The following ALMS1 variants were observed in gnomAD, a reference collection of about 807,000 sequenced individuals.
ALMS1 encodes centrosome-associated protein ALMS1.
In ALMS1, 271 loss-of-function variants were observed where a neutral mutation model predicts 352.2. That is an observed-to-expected ratio of 0.77 (90% CI 0.70 to 0.85). ALMS1 has a LOEUF of 0.85. Ranked by LOEUF, ALMS1 falls within the 40% of genes least tolerant of loss-of-function variation. The pLI is 0.00. For missense variants in ALMS1, 5,445 were observed against 4,870.7 expected (o/e 1.12, Z -3.51); for synonymous variants, 1,865 against 1,761.2 (o/e 1.06, Z -1.48).
chr2:73,404,184 C>T (rs1363829487), intron 1 of ALMS1, among the ~76,000 whole-genome samples: 4 of 152,206 alleles, frequency 2.6e-5, no homozygotes, highest in African/African-American at 7.2e-5. Context: ...CAGGTGTGAG[C>T]CACTGTGCCT....
At chr2:73,545,179 T>A (rs937152090) in intron 12 of ALMS1, among the ~76,000 whole-genome samples, 37 of 145,540 alleles carry the variant, frequency 2.5e-4, no homozygotes, top group Admixed American at 6.9e-5. Context: ...TAATTTTTTG[T>A]GGTTTTTTTT....
intron 12 of ALMS1, among the ~76,000 whole-genome samples, chr2:73,547,915 A>G (rs1222336254): frequency 1.3e-5 from 2 of 152,154 alleles, no homozygotes; most frequent in Non-Finnish European, 2.9e-5. Context: ...GACAGTCAGC[A>G]TCCTTTTAGA....
intron 16 of ALMS1, among the ~76,000 whole-genome samples, chr2:73,576,871 C>G (rs951303082): frequency 1.3e-5 from 2 of 152,110 alleles, no homozygotes; most frequent in East Asian, 1.9e-4. Flanking sequence ...ATCCACCCCC[C>G]TCAGTCTCCC....
Position 73,451,156 on chromosome 2 carries a change from A to G in ALMS1, c.4629A>G (p.Ile1543Met), listed in dbSNP as rs1671928883. 3 of 1,613,774 alleles carry G rather than the reference A, an allele frequency of 1.9e-6. No homozygotes were observed. The highest frequency in any genetic ancestry group is 1.1e-5 in the South Asian group (1 of 91,064). Reference protein sequence around the residue: ...FYQLALLGSQIPEEALRVSSA... With the variant: ...FYQLALLGSQMPEEALRVSSA... Reference sequence around the variant, plus strand: ...AACTGGCATTGCTAGGTAGTCAAATACCTGAAGAGGCTCTCAGAGTTTCTT... The same window carrying G: ...AACTGGCATTGCTAGGTAGTCAAATGCCTGAAGAGGCTCTCAGAGTTTCTT... The change falls in exon 8 of 23, where the codon ATA becomes ATG. Residue 1543 changes from isoleucine to methionine, a missense_variant. Ile to Met is a conservative substitution (Grantham distance 10, BLOSUM62 1). Transcript: ENST00000613296.
rs35336759 is a variant in ALMS1, at chr2:73,587,380, CT to C, written c.11548-12017del. On this transcript the variant is annotated intron_variant, in intron 16 of 22. Transcript: ENST00000613296. ...AGTTCTCAGGGGAAATCCTTTTAAC[CT>C]TTTCCCCATTCAGTATAATTTTGGT... Among the ~76,000 whole-genome samples, 10 of 152,204 alleles carry C rather than the reference CT, an allele frequency of 6.6e-5. No homozygotes were observed. The South Asian group carries it at 1.9e-3, about 28-fold the overall frequency.
chr2:73,504,429 T>A (rs1673279211), intron 10 of ALMS1, among the ~76,000 whole-genome samples: 1 of 152,198 alleles, frequency 6.6e-6, no homozygotes, highest in African/African-American at 2.4e-5. Flanking sequence ...CAAGCCAGCC[T>A]TCTTTAACCC....
chr2:73,485,181 C>G (rs1672804112), intron 9 of ALMS1, among the ~76,000 whole-genome samples: 1 of 152,206 alleles, frequency 6.6e-6, no homozygotes, highest in Non-Finnish European at 1.5e-5. Context: ...TTTTTCTGCT[C>G]TGTTTTTTCC....
At chr2:73,521,005 C>G (rs988716081) in intron 11 of ALMS1, among the ~76,000 whole-genome samples, 1 of 152,096 alleles carries the variant, frequency 6.6e-6, no homozygotes, top group Non-Finnish European at 1.5e-5. Flanking sequence ...TCCACCTACA[C>G]ACGTAGATGG....
Position 73,453,639 on chromosome 2 carries a change from G to A in ALMS1, c.7112G>A (p.Ser2371Asn), listed in dbSNP as rs1319060380. 6.2e-7 allele frequency: 1 copy of A among 1,614,032 alleles called. No homozygotes were observed. The highest frequency in any genetic ancestry group is 2.2e-5 in the East Asian group (1 of 44,860). The change falls in exon 8 of 23, where the codon AGT becomes AAT. Residue 2371 changes from serine to asparagine, a missense_variant. Ser to Asn is a conservative substitution (Grantham distance 46, BLOSUM62 1). Coordinates refer to ENST00000613296, the MANE Select transcript of ALMS1 (RefSeq NM_001378454.1). Reference sequence around the variant, plus strand: ...CTACAGGAAGCAGAGAGCAAAGTCAGTATGGCATTAGAAGAAACTCTTAGG... The same window carrying A: ...CTACAGGAAGCAGAGAGCAAAGTCAATATGGCATTAGAAGAAACTCTTAGG... Reference protein sequence around the residue: ...SPLQEAESKVSMALEETLRQY... With the variant: ...SPLQEAESKVNMALEETLRQY...
At chr2:73,461,440 C>A (rs1672199360) in intron 9 of ALMS1, among the ~76,000 whole-genome samples, 1 of 152,130 alleles carries the variant, frequency 6.6e-6, no homozygotes, top group Admixed American at 6.5e-5. Context: ...GACATCCACA[C>A]CAAAAACCCA....
chr2:73,510,131 A>C (rs988274337), intron 10 of ALMS1, among the ~76,000 whole-genome samples: 1 of 152,208 alleles, frequency 6.6e-6, no homozygotes, highest in South Asian at 2.1e-4. Flanking sequence ...CCTTTTATCA[A>C]TGTTCTTAGC....
rs920601849 is a variant in ALMS1, at chr2:73,392,492, A to G, written c.324+6300A>G. Among the ~76,000 whole-genome samples the G allele has an allele frequency of 2.0e-5, 3 of 152,298 alleles. No individual in the cohort carries two copies. The South Asian group carries it at 6.2e-4, about 32-fold the overall frequency. ...TTTTATCACTTCTAAAAGAAACCCC[A>G]TACACTTTAGCTGATATCCCCCGTC... On this transcript the variant is annotated intron_variant, in intron 1 of 22. Coordinates refer to ENST00000613296, the MANE Select transcript of ALMS1 (RefSeq NM_001378454.1).
chr2:73,388,452 G>GC (rs1252715831), intron 1 of ALMS1, among the ~76,000 whole-genome samples: 1 of 152,112 alleles, frequency 6.6e-6, no homozygotes, highest in Admixed American at 6.5e-5. Context: ...TCCTTCTGGA[G>GC]CCCCCAGTGT....
At position 73,432,295 on chromosome 2, in the gene ALMS1, C is replaced by T. The variant is rs200933935; in HGVS notation, c.1432+4C>T. The stretch of plus-strand genomic sequence containing the variant: ...GCTCCTAAACATTTAAAAGCAGGTA[C>T]GTAGAAAAAGGAGATAGTAAATGTC... On this transcript the variant is annotated splice_donor_region_variant and intron_variant, in intron 7 of 22. Coordinates refer to ENST00000613296, the MANE Select transcript of ALMS1 (RefSeq NM_001378454.1). 2.7e-5 allele frequency: 44 copies of T among 1,601,722 alleles called. No individual in the cohort carries two copies. Among genetic ancestry groups the T allele is most frequent in the South Asian group, 1.1e-4 (10 of 90,792 alleles).
At chr2:73,390,833 C>T (rs1031733522) in intron 1 of ALMS1, among the ~76,000 whole-genome samples, 13 of 151,708 alleles carry the variant, frequency 8.6e-5, no homozygotes, top group African/African-American at 2.4e-4. Flanking sequence ...GGCAGTGGCC[C>T]GATCTTGGCT....
chr2:73,543,527 A>G (rs1357866806), intron 12 of ALMS1, among the ~76,000 whole-genome samples: 1 of 152,228 alleles, frequency 6.6e-6, no homozygotes, highest in Non-Finnish European at 1.5e-5. Flanking sequence ...GGATCTAATT[A>G]AACTAAAGAG....
chr2:73,551,458 T>C (rs1168311797), intron 13 of ALMS1, among the ~76,000 whole-genome samples: 2 of 143,256 alleles, frequency 1.4e-5, no homozygotes, highest in Non-Finnish European at 3.0e-5. Context: ...TTTTTTGAGT[T>C]GGAGTTGCGA....
chr2:73,419,465 T>A, intron 3 of ALMS1, 147 bp downstream of exon 3: 1 of 748,474 alleles, frequency 1.3e-6, no homozygotes, highest in South Asian at 1.7e-5. Context: ...TTTTGTTTGT[T>A]TGTTTGTTTT....
chr2:73,577,668 A>G (rs1161593325), intron 16 of ALMS1, among the ~76,000 whole-genome samples: 1 of 152,016 alleles, frequency 6.6e-6, no homozygotes, highest in Non-Finnish European at 1.5e-5. Context: ...TTCTTTGACC[A>G]TTGACTGTTT....
Sources: allele counts gnomAD v4.1 joint callset (sites outside exome capture counted in the v4.1 genomes callset), GRCh38; gene constraint gnomAD v4.1.1; transcripts MANE v1.5; gene names NCBI Gene and HGNC (gene_info 2026-07-23, HGNC 2026-07-21).